BUD31: variants seen among roughly 807,000 people sequenced by gnomAD.
The protein encoded by BUD31 is BUD31 spliceosome associated protein.
BUD31 carries 9 observed loss-of-function variants against 17.9 expected under a neutral mutation model. The ratio of observed to expected loss-of-function variants is 0.50; its 90% CI spans 0.30 to 0.88. The LOEUF is 0.88. Ranked by LOEUF, BUD31 falls within the 40% of genes least tolerant of loss-of-function variation. The pLI, the probability that BUD31 is intolerant of heterozygous loss-of-function variation, is 0.06. For synonymous variants in BUD31, 70 were observed against 64.7 expected (o/e 1.08, Z -0.39); for missense variants, 148 against 184.5 (o/e 0.80, Z 1.15).
At chr7:99,411,378 A>G (rs1448612554) in intron 3 of BUD31, 192 bp downstream of exon 3, 1 of 537,486 alleles carries the variant, frequency 1.9e-6, no homozygotes, top group East Asian at 3.2e-5. Flanking sequence ...AAAGGTCCTC[A>G]GAAAAGGTGT....
chr7:99,417,899 C>G, intron 5 of BUD31: 1 of 1,325,888 alleles, frequency 7.5e-7, no homozygotes, highest in Non-Finnish European at 9.7e-7. Flanking sequence ...AGGGTGACAT[C>G]AGGGAAGGAC....
At chr7:99,413,580 CT>C (rs149367426) in intron 3 of BUD31, among the ~76,000 whole-genome samples, 82 of 151,898 alleles carry the variant, frequency 5.4e-4, no homozygotes, top group African/African-American at 1.9e-3. Flanking sequence ...GGTTTTTTGG[CT>C]TTTTTTTGTT....
At chr7:99,419,244 C>A in intron 5 of BUD31, 147 bp from the exon 6 acceptor site, 1 of 919,892 alleles carries the variant, frequency 1.1e-6, no homozygotes, top group East Asian at 2.6e-5. Context: ...CAAATTTTCC[C>A]TGTCCAGAGC....
chr7:99,410,989 C>A, intron 2 of BUD31, 75 bp from the exon 3 acceptor site: 1 of 939,708 alleles, frequency 1.1e-6, no homozygotes. Flanking sequence ...AGGAAGTCAG[C>A]CTGTACCGAA....
chr7:99,412,536 C>T lies in BUD31; in HGVS notation c.94+1350C>T. Among the ~76,000 whole-genome samples the T allele has an allele frequency of 1.3e-5, 2 of 152,224 alleles. 1 individual carries two copies. The highest frequency in any genetic ancestry group is 2.9e-5 in the Non-Finnish European group (2 of 68,048). ...CTCCACCTCCCAGGCTCAGGTGTTC[C>T]TCCCACCTCAGTCTCCCAGGCAGCT... On this transcript the variant is annotated intron_variant, in intron 3 of 5. Transcript: ENST00000222969.
chr7:99,418,009 C>A, intron 5 of BUD31: 2 of 1,161,630 alleles, frequency 1.7e-6, no homozygotes, highest in Non-Finnish European at 2.1e-6. Context: ...GCTTTGTCGC[C>A]CAGGCTGGAG....
intron 3 of BUD31, among the ~76,000 whole-genome samples, chr7:99,414,904 G>A (rs1795330473): frequency 6.6e-6 from 1 of 152,144 alleles, no homozygotes; most frequent in African/African-American, 2.4e-5. Flanking sequence ...GGCCAGCCCT[G>A]TTTAACTTCT....
At chr7:99,411,343 C>A in intron 3 of BUD31, 157 bp downstream of exon 3, 1 of 577,426 alleles carries the variant, frequency 1.7e-6, no homozygotes, top group Non-Finnish European at 3.0e-6. Context: ...ACTGTAAGTG[C>A]CCGAAAATAA....
chr7:99,419,600 A>ATCTT lies in BUD31; in HGVS notation c.*161_*164dup. 1.1e-6 allele frequency: 1 copy of ATCTT among 884,968 alleles called. No homozygotes were observed. The highest frequency in any genetic ancestry group is 2.6e-5 in the East Asian group (1 of 37,980). 54.8% of individuals were successfully genotyped at this position (884,968 alleles called of 1,614,324 possible). A position where few individuals can be genotyped will look rare whatever the true frequency, so the allele number is the denominator to read the frequency against. On this transcript the variant is annotated 3_prime_UTR_variant, in exon 6 of 6. Coordinates refer to ENST00000222969, the MANE Select transcript of BUD31 (RefSeq NM_003910.4). The stretch of plus-strand genomic sequence containing the variant: ...ATCAGCTGTGATTTGTAAAAATAAA[A>ATCTT]TCTTTAAATCTCTCGAGCCCCACGT...
intron 1 of BUD31, 112 bp downstream of exon 1, chr7:99,409,357 C>T (rs1196858425): frequency 6.6e-6 from 1 of 152,486 alleles, no homozygotes; most frequent in Non-Finnish European, 1.5e-5. Flanking sequence ...CTCCTCGCCT[C>T]CTTCCCCTAG....
chr7:99,417,944 G>T, intron 5 of BUD31: 1 of 1,241,392 alleles, frequency 8.1e-7, no homozygotes, highest in Non-Finnish European at 1.0e-6. Flanking sequence ...AGTCCTCACA[G>T]TGATACTTTA....
At chr7:99,419,299 G>C (rs1795686775) in intron 5 of BUD31, 92 bp from the exon 6 acceptor site, 1 of 1,466,018 alleles carries the variant, frequency 6.8e-7, no homozygotes, top group African/African-American at 1.4e-5. Context: ...TGGCATGGTG[G>C]CAGGTCCTTC....
chr7:99,413,242 C>T (rs970619572), intron 3 of BUD31, among the ~76,000 whole-genome samples: 13 of 152,124 alleles, frequency 8.5e-5, no homozygotes, highest in East Asian at 1.9e-4. Context: ...GACCACTCTT[C>T]GCCCTTCTGT....
intron 2 of BUD31, among the ~76,000 whole-genome samples, chr7:99,410,592 C>T (rs970454259): frequency 1.3e-5 from 2 of 152,032 alleles, no homozygotes; most frequent in Non-Finnish European, 2.9e-5. Flanking sequence ...GAGTCACAGC[C>T]CTCCTTATAC....
Position 99,415,296 on chromosome 7 carries a change from G to T in BUD31, c.95-842G>T, listed in dbSNP as rs143957472. On this transcript the variant is annotated intron_variant, in intron 3 of 5. Transcript: ENST00000222969. ...GGCCACATGGGTCACGTGTCCACTG[G>T]AAAGCGGGCCCTTGCCTGCCTGGCA... The T allele has an allele frequency of 2.4e-5, 11 of 455,504 alleles. No individual in the cohort carries two copies. The East Asian group carries it at 7.7e-4, about 32-fold the overall frequency. 28.2% of individuals were successfully genotyped at this position (455,504 alleles called of 1,614,324 possible). A position where few individuals can be genotyped will look rare whatever the true frequency, so the allele number is the denominator to read the frequency against.
At chr7:99,414,698 C>T (rs367690498) in intron 3 of BUD31, among the ~76,000 whole-genome samples, 28 of 152,154 alleles carry the variant, frequency 1.8e-4, no homozygotes, top group African/African-American at 5.1e-4. Flanking sequence ...TGGGTTCAAA[C>T]GATTCTCCCA....
At chr7:99,417,398 G>A (rs1364242492) in intron 4 of BUD31, 31 bp from the exon 5 acceptor site, 3 of 1,609,470 alleles carry the variant, frequency 1.9e-6, no homozygotes, top group African/African-American at 2.7e-5. Context: ...TTAGACCATG[G>A]CCTGATGCTC....
At chr7:99,416,737 T>TG (rs1795493388) in intron 4 of BUD31, 2 of 157,524 alleles carry the variant, frequency 1.3e-5, no homozygotes, top group African/African-American at 5.0e-5. Context: ...TTTTTTTTTT[T>TG]TGAAACAGGG....
rs1277705079 is a variant in BUD31 at position 99,410,655 on chromosome 7, C to T, written c.-29-409C>T. Among the ~76,000 whole-genome samples, 7 of 152,304 alleles carry T rather than the reference C, an allele frequency of 4.6e-5. No homozygotes were observed. The East Asian group carries it at 1.4e-3, about 29-fold the overall frequency. On this transcript the variant is annotated intron_variant, in intron 2 of 5. Transcript: ENST00000222969. ...TGTCTCTTTGCTAAAATGTCACCTT[C>T]TAAGGGGCAAAGGCTTAACTTTTGT...
Sources: gnomAD v4.1 joint callset for allele counts (sites outside exome capture counted in the v4.1 genomes callset) on GRCh38, gnomAD v4.1.1 for gene constraint, MANE v1.5 for transcripts, NCBI Gene and HGNC (gene_info 2026-07-23, HGNC 2026-07-21) for gene names.